The following SGIP1 variants were observed in gnomAD, a reference collection of about 807,000 sequenced individuals.
SGIP1 encodes the protein SH3GL interacting endocytic adaptor 1.
SGIP1 carries 38 observed loss-of-function variants against 107.5 expected under a neutral mutation model. The observed-to-expected ratio is 0.35, with a 90% CI of 0.27 to 0.46. SGIP1 has a LOEUF of 0.46. Among genes scored for constraint, SGIP1 ranks in the 20% least tolerant of loss-of-function variants. SGIP1 has a pLI of 1.00. For synonymous variants in SGIP1, 365 were observed against 366.1 expected (o/e 1.00, Z 0.03); for missense variants, 929 against 1,019.5 (o/e 0.91, Z 1.21).
chr1:66,592,051 C>T (rs1043281493), intron 1 of SGIP1, among the ~76,000 whole-genome samples: 4 of 152,162 alleles, frequency 2.6e-5, no homozygotes, highest in African/African-American at 7.2e-5. Context: ...TTCCCAAGGA[C>T]GAGCAGGAGA....
intron 7 of SGIP1, chr1:66,660,257 A>C: frequency 2.2e-6 from 1 of 453,878 alleles, no homozygotes; most frequent in Non-Finnish European, 3.8e-6. Flanking sequence ...GGGAGGAAGG[A>C]AGGGAGGAAA....
At chr1:66,555,397 T>C (rs929422736) in intron 1 of SGIP1, among the ~76,000 whole-genome samples, 5 of 152,180 alleles carry the variant, frequency 3.3e-5, no homozygotes, top group Non-Finnish European at 7.4e-5. Flanking sequence ...GGCTGTTTTC[T>C]GCAACTCTGT....
chr1:66,654,873 G>A (rs527475837), intron 7 of SGIP1, among the ~76,000 whole-genome samples: 9 of 152,318 alleles, frequency 5.9e-5, no homozygotes, highest in African/African-American at 2.2e-4. Context: ...CCCAATGTGG[G>A]CAACAGAGAC....
chr1:66,691,765 G>A (rs7512401), intron 17 of SGIP1, among the ~76,000 whole-genome samples: 40,302 of 152,088 alleles, frequency 0.26, 5,592 homozygotes, highest in South Asian at 0.32. Context: ...AGGAAAGTAA[G>A]AGTAAACTGT....
chr1:66,679,873 C>A, intron 14 of SGIP1, 121 bp downstream of exon 14: 2 of 910,190 alleles, frequency 2.2e-6, no homozygotes, highest in Non-Finnish European at 3.1e-6. Context: ...TGTTGGCATT[C>A]AGTTTTGCTT....
chr1:66,643,476 T>C lies in SGIP1; in HGVS notation c.284-68T>C. On this transcript the variant is annotated intron_variant, in intron 6 of 24. Coordinates refer to ENST00000371037, the MANE Select transcript of SGIP1 (RefSeq NM_032291.4). ...ATACTTTTGCTGTCTCTATATGCAA[T>C]TGCTCTTGTCTTGGAGTCGTTGCCT... 3 of 1,350,634 alleles carry C rather than the reference T, an allele frequency of 2.2e-6. 1 individual carries two copies. The South Asian group carries it at 3.9e-5, about 18-fold the overall frequency. The allele number at this position is 1,350,634 out of a possible 1,614,324, so 83.7% of individuals were successfully genotyped here. A position where few individuals can be genotyped will look rare whatever the true frequency, so the allele number is the denominator to read the frequency against.
intron 9 of SGIP1, among the ~76,000 whole-genome samples, chr1:66,667,960 C>G (rs2082943477): frequency 6.6e-6 from 1 of 152,126 alleles, no homozygotes; most frequent in African/African-American, 2.4e-5. Flanking sequence ...GTTTGTAAGC[C>G]TGAATTCAAA....
At chr1:66,696,587 G>A (rs945018080) in intron 18 of SGIP1, among the ~76,000 whole-genome samples, 4 of 152,166 alleles carry the variant, frequency 2.6e-5, no homozygotes, top group African/African-American at 9.7e-5. Context: ...TTGCAAGATA[G>A]TCATAGAGAT....
intron 1 of SGIP1, among the ~76,000 whole-genome samples, chr1:66,622,844 T>C (rs1173292946): frequency 6.6e-6 from 1 of 152,210 alleles, no homozygotes; most frequent in Non-Finnish European, 1.5e-5. Context: ...CCTCCCATTT[T>C]TGGTAAAAAA....
chr1:66,658,228 G>A (rs1419427466), intron 7 of SGIP1, among the ~76,000 whole-genome samples: 2 of 152,142 alleles, frequency 1.3e-5, no homozygotes, highest in South Asian at 2.1e-4. Context: ...AAAACTACAA[G>A]GATGTAGTCC....
intron 4 of SGIP1, among the ~76,000 whole-genome samples, chr1:66,636,834 T>C (rs1238771824): frequency 3.3e-5 from 5 of 152,196 alleles, no homozygotes; most frequent in Admixed American, 3.3e-4. Context: ...CTGAGAATTT[T>C]GATGAATGTA....
intron 4 of SGIP1, among the ~76,000 whole-genome samples, chr1:66,636,700 G>A (rs2075843306): frequency 6.6e-6 from 1 of 152,160 alleles, no homozygotes; most frequent in African/African-American, 2.4e-5. Context: ...AGTGAGTCAG[G>A]TCTACCACAG....
intron 18 of SGIP1, among the ~76,000 whole-genome samples, chr1:66,699,382 T>C (rs566394682): frequency 2.0e-5 from 3 of 152,288 alleles, no homozygotes; most frequent in Non-Finnish European, 2.9e-5. Flanking sequence ...GCATTTATCT[T>C]AGAGGTGCTG....
chr1:66,579,379 T>C (rs1170836351), intron 1 of SGIP1, among the ~76,000 whole-genome samples: 1 of 152,138 alleles, frequency 6.6e-6, no homozygotes, highest in Non-Finnish European at 1.5e-5. Flanking sequence ...TTATCAGAAG[T>C]CTTTATAAGG....
chr1:66,660,198 A>AGAAG, intron 7 of SGIP1: 1 of 227,564 alleles, frequency 4.4e-6, no homozygotes, highest in African/African-American at 3.5e-5. Flanking sequence ...AAAGAAAGAA[A>AGAAG]GAAAGAAAGA....
At chr1:66,575,222 G>A (rs1164471703) in intron 1 of SGIP1, among the ~76,000 whole-genome samples, 8 of 152,132 alleles carry the variant, frequency 5.3e-5, no homozygotes, top group African/African-American at 1.9e-4. Context: ...AGAAAGCATT[G>A]CAAAGAGGAT....
At chr1:66,642,012 T>C (rs926407128) in intron 5 of SGIP1, among the ~76,000 whole-genome samples, 5 of 152,210 alleles carry the variant, frequency 3.3e-5, no homozygotes, top group Non-Finnish European at 5.9e-5. Flanking sequence ...GCACATGTTT[T>C]AAATTAGTTT....
At chr1:66,707,977 C>A (rs1360648242) in intron 18 of SGIP1, among the ~76,000 whole-genome samples, 1 of 152,120 alleles carries the variant, frequency 6.6e-6, no homozygotes, top group African/African-American at 2.4e-5. Flanking sequence ...CCCAAAGAAC[C>A]AATTTTTATC....
At chr1:66,556,301 T>C (rs1201447293) in intron 1 of SGIP1, among the ~76,000 whole-genome samples, 5 of 152,098 alleles carry the variant, frequency 3.3e-5, no homozygotes, top group Non-Finnish European at 5.9e-5. Flanking sequence ...CTTTTTTCCT[T>C]TGAATTCGCG....
Sources: allele counts gnomAD v4.1 joint callset (sites outside exome capture counted in the v4.1 genomes callset), GRCh38; gene constraint gnomAD v4.1.1; transcripts MANE v1.5; gene names NCBI Gene and HGNC (gene_info 2026-07-23, HGNC 2026-07-21).